Variants in IMMP2L observed in about 807,000 individuals in gnomAD.
The protein encoded by IMMP2L is mitochondrial inner membrane protease subunit 2.
In IMMP2L, 18 loss-of-function variants were observed where a neutral mutation model predicts 19.3. The observed-to-expected ratio is 0.93, with a 90% confidence interval of 0.64 to 1.38. IMMP2L has a LOEUF of 1.38. Among genes scored for constraint, IMMP2L ranks in the 40% most tolerant of loss-of-function variants. The pLI is 0.00. For synonymous variants in IMMP2L, 76 were observed against 73.0 expected, an observed-to-expected ratio of 1.04 and a Z score of -0.21; for missense variants, 233 against 218.2, an observed-to-expected ratio of 1.07 and a Z score of -0.43.
intron 4 of IMMP2L, among the ~76,000 whole-genome samples, chr7:110,921,061 C>G (rs182287995): frequency 6.6e-6 from 1 of 152,118 alleles, no homozygotes; most frequent in Non-Finnish European, 1.5e-5. Flanking sequence ...AGAATTAGAA[C>G]TGCCAGCTTC....
intron 5 of IMMP2L, among the ~76,000 whole-genome samples, chr7:110,840,501 T>A (rs1804963290): frequency 6.6e-6 from 1 of 152,188 alleles, no homozygotes; most frequent in Non-Finnish European, 1.5e-5. Context: ...TTGGTTAATG[T>A]CTGCTTAGCT....
At chr7:110,809,761 T>C (rs969572598) in intron 5 of IMMP2L, among the ~76,000 whole-genome samples, 1 of 152,062 alleles carries the variant, frequency 6.6e-6, no homozygotes, top group Admixed American at 6.6e-5. Flanking sequence ...GTTTCATCAG[T>C]TGGATACTTC....
At chr7:111,316,148 G>A (rs1563050279) in intron 3 of IMMP2L, among the ~76,000 whole-genome samples, 1 of 152,086 alleles carries the variant, frequency 6.6e-6, no homozygotes, top group Non-Finnish European at 1.5e-5. Context: ...TCCTCTTATG[G>A]GAAGACCATC....
intron 5 of IMMP2L, among the ~76,000 whole-genome samples, chr7:110,706,991 A>T (rs1584566252): frequency 7.4e-6 from 1 of 134,454 alleles, no homozygotes; most frequent in Non-Finnish European, 1.6e-5. Context: ...TTACACTTAA[A>T]TTTTTTTTTT....
At chr7:111,448,513 G>C (rs1313102122) in intron 3 of IMMP2L, among the ~76,000 whole-genome samples, 1 of 133,856 alleles carries the variant, frequency 7.5e-6, no homozygotes. Flanking sequence ...AAACCAACGA[G>C]AACAAAGACA....
rs115543443 is a variant in IMMP2L, at chr7:111,098,636, C to T, written c.240-135071G>A. Among the ~76,000 whole-genome samples the T allele has an allele frequency of 5.7e-3, 871 of 151,862 alleles. 11 individuals are homozygous for T. The highest frequency in any genetic ancestry group is 0.02 in the African/African-American group (828 of 41,496). On this transcript the variant is annotated intron_variant, in intron 3 of 5. Transcript: ENST00000405709. ...ACATACAAGCATTTTCTGTGCCAAA[C>T]ATTATGCTAAGCACTTAACATACAT...
At chr7:111,531,096 C>T (rs764796245) in intron 1 of IMMP2L, among the ~76,000 whole-genome samples, 3 of 151,714 alleles carry the variant, frequency 2.0e-5, no homozygotes, top group Admixed American at 1.3e-4. Flanking sequence ...GGACTACAGG[C>T]GCCCACCACC....
intron 5 of IMMP2L, among the ~76,000 whole-genome samples, chr7:110,854,310 T>C (rs1806532067): frequency 6.6e-6 from 1 of 151,956 alleles, no homozygotes; most frequent in Admixed American, 6.6e-5. Flanking sequence ...TTACATCCAC[T>C]ATGCCTTACT....
intron 5 of IMMP2L, among the ~76,000 whole-genome samples, chr7:110,736,686 C>A (rs1796659106): frequency 6.6e-6 from 1 of 152,216 alleles, no homozygotes; most frequent in Non-Finnish European, 1.5e-5. Context: ...GTTTCCATTT[C>A]TTCCTTCCTA....
chr7:111,469,353 C>T (rs1257235666), intron 3 of IMMP2L, among the ~76,000 whole-genome samples: 1 of 152,032 alleles, frequency 6.6e-6, no homozygotes, highest in African/African-American at 2.4e-5. Context: ...GGCAGTATGG[C>T]CATTTTCATG....
intron 3 of IMMP2L, among the ~76,000 whole-genome samples, chr7:111,400,365 C>G (rs1191727521): frequency 6.6e-6 from 1 of 152,166 alleles, no homozygotes; most frequent in African/African-American, 2.4e-5. Context: ...TCAGTAATTT[C>G]TTAGCACAAA....
intron 5 of IMMP2L, among the ~76,000 whole-genome samples, chr7:110,880,176 T>A (rs995135940): frequency 1.3e-5 from 2 of 152,108 alleles, no homozygotes; most frequent in Non-Finnish European, 2.9e-5. Context: ...AAAACTCACA[T>A]GAGTCTTACT....
chr7:110,874,163 A>G (rs1808828183), intron 5 of IMMP2L, among the ~76,000 whole-genome samples: 1 of 152,148 alleles, frequency 6.6e-6, no homozygotes, highest in Non-Finnish European at 1.5e-5. Flanking sequence ...AAGCAGACAT[A>G]TTAGGCAAAG....
chr7:111,266,595 A>AAG (rs1008127326), intron 3 of IMMP2L, among the ~76,000 whole-genome samples: 1 of 151,870 alleles, frequency 6.6e-6, no homozygotes, highest in African/African-American at 2.4e-5. Context: ...CTCTGGCACT[A>AAG]AGAACATCAG....
At chr7:111,210,000 T>C (rs1050718561) in intron 3 of IMMP2L, among the ~76,000 whole-genome samples, 8 of 152,168 alleles carry the variant, frequency 5.3e-5, no homozygotes, top group Admixed American at 1.3e-4. Flanking sequence ...AGCAAGGTGT[T>C]CTTTGCCGAG....
chr7:111,546,528 C>T (rs918728851), intron 1 of IMMP2L, among the ~76,000 whole-genome samples: 20 of 152,092 alleles, frequency 1.3e-4, no homozygotes, highest in Non-Finnish European at 2.1e-4. Flanking sequence ...CAGCTGTCTT[C>T]CTATGATATG....
At chr7:111,175,316 T>C (rs1373040752) in intron 3 of IMMP2L, among the ~76,000 whole-genome samples, 1 of 151,834 alleles carries the variant, frequency 6.6e-6, no homozygotes, top group Admixed American at 6.6e-5. Flanking sequence ...TTCCTAACTA[T>C]AAACTATAAG....
intron 3 of IMMP2L, among the ~76,000 whole-genome samples, chr7:111,356,200 T>A (rs1025413117): frequency 6.6e-6 from 1 of 152,052 alleles, no homozygotes; most frequent in Non-Finnish European, 1.5e-5. Flanking sequence ...ATTTGACTCA[T>A]TCAACATGTT....
intron 5 of IMMP2L, among the ~76,000 whole-genome samples, chr7:110,703,230 G>A (rs1194607978): frequency 6.6e-6 from 1 of 152,042 alleles, no homozygotes; most frequent in Non-Finnish European, 1.5e-5. Flanking sequence ...GTTAATATAA[G>A]TTACACTGAC....
Sources: allele counts gnomAD v4.1 joint callset (sites outside exome capture counted in the v4.1 genomes callset), GRCh38; gene constraint gnomAD v4.1.1; transcripts MANE v1.5; gene names NCBI Gene and HGNC (gene_info 2026-07-23, HGNC 2026-07-21).